MOCS1: variants seen among roughly 807,000 people sequenced by gnomAD.
The protein encoded by MOCS1 is molybdenum cofactor synthesis 1.
In MOCS1, 39 loss-of-function variants were observed where a neutral mutation model predicts 57.6. The ratio of observed to expected loss-of-function variants is 0.68; its 90% CI spans 0.52 to 0.88. The LOEUF is 0.88. MOCS1 is among the 40% of genes least tolerant of loss of function. The pLI is 0.00. For missense variants in MOCS1, 795 were observed against 831.1 expected (o/e 0.96, Z 0.53); for synonymous variants, 334 against 335.7 (o/e 1.00, Z 0.05).
chr6:39,921,544 A>C (rs1464706137), intron 3 of MOCS1, among the ~76,000 whole-genome samples: 1 of 152,210 alleles, frequency 6.6e-6, no homozygotes, highest in Non-Finnish European at 1.5e-5. Flanking sequence ...TGATTTAACT[A>C]TGATTTAACC....
At chr6:39,924,294 C>T (rs951752625) in intron 3 of MOCS1, among the ~76,000 whole-genome samples, 2 of 152,190 alleles carry the variant, frequency 1.3e-5, no homozygotes, top group Non-Finnish European at 2.9e-5. Context: ...AGGAATATGC[C>T]GTACTGCAGA....
At position 39,912,378 on chromosome 6, in the gene MOCS1, G is replaced by C; in HGVS notation, c.871-4C>G. ...GGAAGCCAGGGATTTTAAAGGCCTG[G>C]GCAGGGGAGAGTGGGAGCAAAAGGG... On this transcript the variant is annotated splice_region_variant and splice_polypyrimidine_tract_variant and intron_variant, in intron 7 of 10. Coordinates refer to ENST00000340692, the MANE Select transcript of MOCS1 (RefSeq NM_001358530.2). 6.2e-7 allele frequency: 1 copy of C among 1,608,708 alleles called. No homozygotes were observed. Among genetic ancestry groups the C allele is most frequent in the Non-Finnish European group, 8.5e-7 (1 of 1,175,122 alleles).
intron 3 of MOCS1, among the ~76,000 whole-genome samples, chr6:39,921,457 C>T (rs1485827496): frequency 6.6e-6 from 1 of 151,900 alleles, no homozygotes; most frequent in African/African-American, 2.4e-5. Context: ...CCTTAGGAAC[C>T]ACTAACATTA....
chr6:39,923,721 GC>G, intron 3 of MOCS1, among the ~76,000 whole-genome samples: 1 of 152,270 alleles, frequency 6.6e-6, no homozygotes. Flanking sequence ...AGGTTCCCAG[GC>G]CAAGTGACCA....
At chr6:39,914,898 C>T (rs1562091584) in intron 4 of MOCS1, among the ~76,000 whole-genome samples, 1 of 152,098 alleles carries the variant, frequency 6.6e-6, no homozygotes. Context: ...AACGTGTTTG[C>T]GGGCAGTACA....
Position 39,905,319 on chromosome 6 carries a change from T to G in MOCS1, c.*1038A>C. On this transcript the variant is annotated 3_prime_UTR_variant, in exon 11 of 11. Coordinates refer to ENST00000340692, the MANE Select transcript of MOCS1 (RefSeq NM_001358530.2). ...AAAAGATTTCCCTTAGATGGTGCAT[T>G]TCTATGCCCCCTACTCCACTTTATT... 2.2e-6 allele frequency: 1 copy of G among 456,430 alleles called. No individual in the cohort carries two copies. The highest frequency in any genetic ancestry group is 4.4e-6 in the Non-Finnish European group (1 of 226,958). The allele number at this position is 456,430 out of a possible 1,614,324, so 28.3% of individuals were successfully genotyped here.
Position 39,906,861 on chromosome 6 carries a change from A to G in MOCS1, c.1407T>C (p.Ser469=). The G allele has an allele frequency of 6.2e-7, 1 of 1,614,200 alleles. No individual in the cohort carries two copies. Among genetic ancestry groups the G allele is most frequent in the African/African-American group, 1.3e-5 (1 of 75,060 alleles). The change falls in exon 11 of 11, where the codon TCT becomes TCC. Residue 469 remains serine (S), a synonymous_variant. Transcript: ENST00000340692. ...SKCLSPGSWA[S]AAPSGPQLTS... is the part of the protein sequence containing the mutation. The stretch of plus-strand genomic sequence containing the variant: ...TTAGCTGGGGTCCTGAGGGGGCAGC[A>G]GAAGCCCAGGAACCTGGGCTAAGGC...
At chr6:39,933,916 C>T (rs1768771886) in intron 1 of MOCS1, among the ~76,000 whole-genome samples, 1 of 152,050 alleles carries the variant, frequency 6.6e-6, no homozygotes. Flanking sequence ...CCTGATCTCT[C>T]AGCTCTTGGG....
In MOCS1 at chr6:39,904,489, A is replaced by C; in HGVS notation, c.*1868T>G. 2.2e-6 allele frequency: 1 copy of C among 454,406 alleles called. No homozygotes were observed. The highest frequency in any genetic ancestry group is 4.4e-6 in the Non-Finnish European group (1 of 226,958). The allele number at this position is 454,406 out of a possible 1,614,324, so 28.1% of individuals were successfully genotyped here. ...CCACTGCTCCTGCCACCTTTAGATA[A>C]GTTTCTCTAGCTAATTTTGTGGCCA... On this transcript the variant is annotated 3_prime_UTR_variant, in exon 11 of 11. Coordinates refer to ENST00000340692, the MANE Select transcript of MOCS1 (RefSeq NM_001358530.2).
chr6:39,923,354 G>A (rs1768084302), intron 3 of MOCS1, among the ~76,000 whole-genome samples: 1 of 152,270 alleles, frequency 6.6e-6, no homozygotes, highest in Admixed American at 6.5e-5. Flanking sequence ...CAGCCAGAGA[G>A]TGGCAGAATG....
intron 3 of MOCS1, among the ~76,000 whole-genome samples, chr6:39,920,176 AAG>A (rs1767886659): frequency 6.6e-6 from 1 of 152,222 alleles, no homozygotes; most frequent in Non-Finnish European, 1.5e-5. Context: ...TTAACATGTG[AAG>A]AGATGCCAAC....
At chr6:39,928,083 A>C (rs1444814665) in intron 1 of MOCS1, among the ~76,000 whole-genome samples, 1 of 151,970 alleles carries the variant, frequency 6.6e-6, no homozygotes, top group Non-Finnish European at 1.5e-5. Context: ...TCCACAAGGG[A>C]TTATTATAAC....
At chr6:39,910,098 G>A (rs1173168151) in intron 8 of MOCS1, 143 bp from the exon 9 acceptor site, 5 of 1,261,808 alleles carry the variant, frequency 4.0e-6, no homozygotes, top group Non-Finnish European at 5.6e-6. Flanking sequence ...CTAGCAGTGA[G>A]AGACAGAGGT....
rs1321976901 is a variant in MOCS1, at chr6:39,904,387, G to C, written c.*1970C>G. 6.6e-6 allele frequency: 3 copies of C among 456,244 alleles called. No homozygotes were observed. Among genetic ancestry groups the C allele is most frequent in the African/African-American group, 6.0e-5 (3 of 50,066 alleles). 28.3% of individuals were successfully genotyped at this position (456,244 alleles called of 1,614,324 possible). A position where few individuals can be genotyped will look rare whatever the true frequency, so the allele number is the denominator to read the frequency against. ...GGACTCATACTCAACTGAGTAAGAA[G>C]GGGCTGGTGCCCAGTCGGGGTGGCT... On this transcript the variant is annotated 3_prime_UTR_variant, in exon 11 of 11. Coordinates refer to ENST00000340692, the MANE Select transcript of MOCS1 (RefSeq NM_001358530.2).
chr6:39,912,476 C>T, intron 7 of MOCS1, 102 bp from the exon 8 acceptor site: 3 of 835,336 alleles, frequency 3.6e-6, no homozygotes, highest in Non-Finnish European at 6.2e-6. Context: ...TCAACCCTCT[C>T]CCAGAGGACC....
At chr6:39,922,808 T>C (rs1768049607) in intron 3 of MOCS1, among the ~76,000 whole-genome samples, 1 of 152,104 alleles carries the variant, frequency 6.6e-6, no homozygotes, top group African/African-American at 2.4e-5. Flanking sequence ...TAACCTGCAA[T>C]CCTTTTGCTC....
chr6:39,910,126 G>A (rs1767236904), intron 8 of MOCS1, among the ~76,000 whole-genome samples, 171 bp from the exon 9 acceptor site: 1 of 152,238 alleles, frequency 6.6e-6, no homozygotes, highest in African/African-American at 2.4e-5. Context: ...GGAGGTCAGA[G>A]AGGCTAGAAG....
chr6:39,926,577 T>G (rs920695951), intron 2 of MOCS1, among the ~76,000 whole-genome samples: 4 of 150,472 alleles, frequency 2.7e-5, no homozygotes, highest in Non-Finnish European at 5.9e-5. Context: ...CCTTTGAGAC[T>G]GAAGAGAATA....
rs200764011 is a variant in MOCS1 at position 39,906,480 on chromosome 6, A to C, written c.1788T>G (p.Ser596=). The change falls in exon 11 of 11, where the codon TCT becomes TCG. Residue 596 remains serine, a synonymous_variant. Coordinates refer to ENST00000340692, the MANE Select transcript of MOCS1 (RefSeq NM_001358530.2). ...PTGVEMEALT[S]AAVAALTLYD... is the part of the protein sequence containing the mutation. ...ACAGGGTGAGGGCGGCCACTGCAGC[A>C]GAGGTCAGGGCCTCCATCTCCACCC... 1.8e-5 allele frequency: 29 copies of C among 1,614,032 alleles called. No individual in the cohort carries two copies. The highest frequency in any genetic ancestry group is 5.1e-6 in the Non-Finnish European group (6 of 1,180,018).
Sources: allele counts gnomAD v4.1 joint callset (sites outside exome capture counted in the v4.1 genomes callset), GRCh38; gene constraint gnomAD v4.1.1; transcripts MANE v1.5; gene names NCBI Gene and HGNC (gene_info 2026-07-23, HGNC 2026-07-21).